TRPM3: variants seen among roughly 807,000 people sequenced by gnomAD.
TRPM3 encodes the protein transient receptor potential cation channel subfamily M member 3, also known as long transient receptor potential channel 3.
Under a neutral mutation model 181.2 loss-of-function variants are expected in TRPM3, and 77 were observed. The ratio of observed to expected loss-of-function variants is 0.42; its 90% CI spans 0.35 to 0.51. TRPM3 has a LOEUF of 0.51. Among genes scored for constraint, TRPM3 ranks in the 20% least tolerant of loss-of-function variants. The pLI is 0.01. For missense variants in TRPM3, 1,759 were observed against 2,196.7 expected (o/e 0.80, Z 3.98); for synonymous variants, 745 against 796.4 (o/e 0.94, Z 1.09).
chr9:71,247,303 G>A (rs369704635), intron 1 of TRPM3, among the ~76,000 whole-genome samples: 4 of 136,758 alleles, frequency 2.9e-5, no homozygotes, highest in Admixed American at 8.3e-5. Flanking sequence ...GCAGTAAGCC[G>A]AGATCATGCC....
chr9:70,536,650 T>A lies in TRPM3; in HGVS notation c.4463A>T (p.Tyr1488Phe). The change falls in exon 26 of 26, where the codon TAC becomes TTC. Residue 1488 changes from tyrosine (Y) to phenylalanine (F), a missense_variant. Physicochemically the swap from Tyr to Phe is conservative, Grantham distance 22 (BLOSUM62 3). This residue lies in a region of TRPM3 where 612 missense variants were observed against 590.0 expected (regional missense o/e 1.04). Transcript: ENST00000677713. ...GTTTTGGCATTCTGGGAGGTGGGTG[T>A]AGTCTGAAGAAAAAGATCTAGTGTC... ...SMDTRSFSSD[Y>F]THLPECQNPW... 1 of 1,614,036 alleles carries A rather than the reference T, an allele frequency of 6.2e-7. No individual in the cohort carries two copies. Among genetic ancestry groups the A allele is most frequent in the South Asian group, 1.1e-5 (1 of 91,072 alleles).
At chr9:70,786,310 C>CCAAAAAAAAAAAA (rs2083577138) in intron 6 of TRPM3, among the ~76,000 whole-genome samples, 1 of 27,618 alleles carries the variant, frequency 3.6e-5, no homozygotes, top group Non-Finnish European at 8.5e-5. Context: ...ACTAAAAATA[C>CCAAAAAAAAAAAA]CAAAAAAAAA....
intron 1 of TRPM3, among the ~76,000 whole-genome samples, chr9:70,936,702 C>T (rs2096831766): frequency 6.6e-6 from 1 of 152,182 alleles, no homozygotes; most frequent in Non-Finnish European, 1.5e-5. Context: ...CTAGAGTTCT[C>T]TTCACCCAGT....
intron 1 of TRPM3, among the ~76,000 whole-genome samples, chr9:71,239,947 A>T (rs2081570196): frequency 6.6e-6 from 1 of 152,092 alleles, no homozygotes; most frequent in Non-Finnish European, 1.5e-5. Context: ...TCTTTGTTGA[A>T]AAAAAGGAAT....
intron 22 of TRPM3, among the ~76,000 whole-genome samples, chr9:70,554,072 A>G (rs1270728959): frequency 1.3e-5 from 2 of 149,594 alleles, no homozygotes; most frequent in East Asian, 2.4e-4. Context: ...AATGGGGGGA[A>G]AAAAAAAGCC....
At chr9:70,662,863 C>A (rs536946654) in intron 9 of TRPM3, among the ~76,000 whole-genome samples, 1 of 152,206 alleles carries the variant, frequency 6.6e-6, no homozygotes, top group East Asian at 1.9e-4. Context: ...GTAGATCTAC[C>A]ATTTAGTCCA....
intron 1 of TRPM3, among the ~76,000 whole-genome samples, chr9:71,403,065 G>A (rs751700884): frequency 6.6e-6 from 1 of 152,130 alleles, no homozygotes; most frequent in Non-Finnish European, 1.5e-5. Flanking sequence ...GTAATGAGTG[G>A]ATAAAGGCTC....
intron 9 of TRPM3, among the ~76,000 whole-genome samples, chr9:70,661,256 C>T (rs2061093831): frequency 6.6e-6 from 1 of 151,112 alleles, no homozygotes; most frequent in Admixed American, 6.6e-5. Context: ...TGAAAAAAAC[C>T]CTCAACAAAA....
chr9:71,003,712 A>G (rs933487799), intron 1 of TRPM3, among the ~76,000 whole-genome samples: 1 of 152,192 alleles, frequency 6.6e-6, no homozygotes, highest in African/African-American at 2.4e-5. Context: ...TATTTTAAAT[A>G]CCATTTGCAG....
intron 1 of TRPM3, among the ~76,000 whole-genome samples, chr9:71,202,086 G>C (rs1329269198): frequency 6.6e-6 from 1 of 152,172 alleles, no homozygotes; most frequent in Non-Finnish European, 1.5e-5. Context: ...GAGTTTGCTA[G>C]AGGTCCACTC....
chr9:71,316,142 TTG>T (rs2088565805), intron 1 of TRPM3, among the ~76,000 whole-genome samples: 1 of 152,190 alleles, frequency 6.6e-6, no homozygotes, highest in African/African-American at 2.4e-5. Context: ...TATTTAAATA[TTG>T]AATGAACAAA....
At chr9:71,132,153 T>C (rs1267975006) in intron 1 of TRPM3, among the ~76,000 whole-genome samples, 1 of 152,188 alleles carries the variant, frequency 6.6e-6, no homozygotes, top group Non-Finnish European at 1.5e-5. Context: ...CCATTACCCA[T>C]AATGATGCTG....
At chr9:70,855,318 A>G (rs1194639801) in intron 3 of TRPM3, among the ~76,000 whole-genome samples, 1 of 152,212 alleles carries the variant, frequency 6.6e-6, no homozygotes, top group Non-Finnish European at 1.5e-5. Context: ...AAAAAATAAT[A>G]ATAATCTTCC....
rs2097719191 is a variant in TRPM3, at chr9:71,010,023, T to A, written c.177+111155A>T. Reference sequence around the variant, plus strand: ...TAAATGATGCTGGGAAAATTGGATATCCACATGCAGAAGAATTAAACTAGA... The same window carrying A: ...TAAATGATGCTGGGAAAATTGGATAACCACATGCAGAAGAATTAAACTAGA... On this transcript the variant is annotated intron_variant, in intron 1 of 25. Coordinates refer to ENST00000677713, the MANE Select transcript of TRPM3 (RefSeq NM_001366145.2). 2.6e-5 allele frequency among the ~76,000 whole-genome samples: 4 copies of A among 152,086 alleles called. 1 individual carries two copies. The South Asian group carries it at 8.3e-4, about 32-fold the overall frequency.
intron 1 of TRPM3, among the ~76,000 whole-genome samples, chr9:71,102,079 A>G (rs2068501212): frequency 6.6e-6 from 1 of 152,326 alleles, no homozygotes; most frequent in African/African-American, 2.4e-5. Context: ...CCAAAGCAAA[A>G]TCAGAAATGA....
chr9:71,307,106 T>G (rs2087420145), intron 1 of TRPM3, among the ~76,000 whole-genome samples: 1 of 152,232 alleles, frequency 6.6e-6, no homozygotes, highest in Admixed American at 6.5e-5. Flanking sequence ...AATTCCTTCT[T>G]AATCTGGAAT....
intron 1 of TRPM3, among the ~76,000 whole-genome samples, chr9:71,194,147 A>G (rs960242592): frequency 6.6e-6 from 1 of 151,930 alleles, no homozygotes; most frequent in Non-Finnish European, 1.5e-5. Flanking sequence ...CTTTTCTACT[A>G]AATTAGGAAA....
chr9:71,244,906 T>C (rs1415234687), intron 1 of TRPM3, among the ~76,000 whole-genome samples: 2 of 152,116 alleles, frequency 1.3e-5, no homozygotes, highest in Non-Finnish European at 2.9e-5. Context: ...TAGTGATAGA[T>C]TAGGGGAAGA....
intron 1 of TRPM3, among the ~76,000 whole-genome samples, chr9:71,172,920 G>A (rs953428778): frequency 1.3e-5 from 2 of 152,202 alleles, no homozygotes; most frequent in Non-Finnish European, 2.9e-5. Flanking sequence ...TATCTAAAAT[G>A]CAGAGGCATC....
Sources: gnomAD v4.1 joint callset for allele counts (sites outside exome capture counted in the v4.1 genomes callset) on GRCh38, gnomAD v4.1.1 for gene constraint, gnomAD v4.1.1 regional missense constraint, MANE v1.5 for transcripts, NCBI Gene and HGNC (gene_info 2026-07-23, HGNC 2026-07-21) for gene names.